Variants in CLYBL observed in about 807,000 individuals in gnomAD.
The protein encoded by CLYBL is citramalyl-CoA lyase, mitochondrial.
In CLYBL, 31 loss-of-function variants were observed where a neutral mutation model predicts 38.9. That is an observed-to-expected ratio of 0.80 (90% CI 0.60 to 1.08). CLYBL has a LOEUF of 1.08. Ranked by LOEUF, CLYBL falls within the 50% of genes least tolerant of loss-of-function variation. The pLI, the probability that CLYBL is intolerant of heterozygous loss-of-function variation, is 0.00. For missense variants in CLYBL, 434 were observed against 411.6 expected, an observed-to-expected ratio of 1.05 and a Z score of -0.47; for synonymous variants, 171 against 158.6, an observed-to-expected ratio of 1.08 and a Z score of -0.59.
intron 2 of CLYBL, among the ~76,000 whole-genome samples, chr13:99,831,151 G>C (rs950173563): frequency 1.3e-5 from 2 of 152,222 alleles, no homozygotes; most frequent in African/African-American, 4.8e-5. Context: ...CAGGAGGCAA[G>C]GAGGATCCGC....
intron 1 of CLYBL, among the ~76,000 whole-genome samples, chr13:99,634,876 G>T (rs894969225): frequency 6.6e-6 from 1 of 152,118 alleles, no homozygotes; most frequent in African/African-American, 2.4e-5. Flanking sequence ...GTATCAGATC[G>T]CGCTCTCTGG....
At position 99,685,113 on chromosome 13, in the gene CLYBL, G is replaced by A. The variant is rs74112532; in HGVS notation, c.62+78356G>A. Among the ~76,000 whole-genome samples the A allele has an allele frequency of 4.7e-3, 722 of 152,328 alleles. 6 individuals are homozygous for A. The highest frequency in any genetic ancestry group is 0.016 in the African/African-American group (682 of 41,582). ...GTGACTTCCATTAAAGTCCATAGGAGTCTTGTTGCTAAAACATCACACAAC... is the reference window on the plus strand; with the variant it reads ...GTGACTTCCATTAAAGTCCATAGGAATCTTGTTGCTAAAACATCACACAAC... On this transcript the variant is annotated intron_variant, in intron 1 of 8. Coordinates refer to ENST00000339105, the MANE Select transcript of CLYBL (RefSeq NM_206808.5).
chr13:99,657,977 GTGCCTTCCTCGCCC>G (rs1006134067), intron 1 of CLYBL, among the ~76,000 whole-genome samples: 16 of 152,206 alleles, frequency 1.1e-4, no homozygotes, highest in African/African-American at 3.9e-4. Context: ...ACCCAAGCCC[GTGCCTTCCTCGCCC>G]TGCCTTCGGA....
chr13:99,615,333 T>C (rs1293708853), intron 1 of CLYBL, among the ~76,000 whole-genome samples: 1 of 152,258 alleles, frequency 6.6e-6, no homozygotes, highest in Non-Finnish European at 1.5e-5. Flanking sequence ...CCCATAGTGC[T>C]GGTAGCTGAA....
In CLYBL at chr13:99,674,142, CTTTTTTTTTTTTTT is replaced by C. The variant is rs1167068936; in HGVS notation, c.62+67399_62+67412del. On this transcript the variant is annotated intron_variant, in intron 1 of 8. Coordinates refer to ENST00000339105, the MANE Select transcript of CLYBL (RefSeq NM_206808.5). ...TCGTTTTTTTTTAGCTACTAGAATTCTTTTTTTTTTTTTTTTTTTTTTTTTTTGAGATGGAGTCT... is the reference window on the plus strand; with the variant it reads ...TCGTTTTTTTTTAGCTACTAGAATTCTTTTTTTTTTTTTGAGATGGAGTCT... 7.8e-3 allele frequency among the ~76,000 whole-genome samples: 399 copies of C among 51,174 alleles called. 2 individuals carry two copies. The highest frequency in any genetic ancestry group is 0.01 in the South Asian group (11 of 1,066). 33.6% of individuals were successfully genotyped at this position (51,174 alleles called of 152,430 possible).
At chr13:99,755,181 G>C (rs1256984235) in intron 1 of CLYBL, among the ~76,000 whole-genome samples, 1 of 152,192 alleles carries the variant, frequency 6.6e-6, no homozygotes, top group Non-Finnish European at 1.5e-5. Context: ...ACAGGCGTGA[G>C]CCACCGCGCC....
At chr13:99,741,231 G>A (rs1481816770) in intron 1 of CLYBL, among the ~76,000 whole-genome samples, 2 of 152,230 alleles carry the variant, frequency 1.3e-5, no homozygotes, top group Non-Finnish European at 2.9e-5. Flanking sequence ...ATGGGGCAAA[G>A]AAGCACCCAT....
At position 99,819,444 on chromosome 13, in the gene CLYBL, ATATATATATATATATATATATAT is replaced by A. The variant is rs1566340172; in HGVS notation, c.250-39416_250-39394del. On this transcript the variant is annotated intron_variant, in intron 2 of 8. Coordinates refer to ENST00000339105, the MANE Select transcript of CLYBL (RefSeq NM_206808.5). ...TATATATATATATATATATATATAT[ATATATATATATATATATATATAT>A]AATATTTGTCAGGGTTGTCTGGGGG... Among the ~76,000 whole-genome samples the A allele has an allele frequency of 8.7e-3, 771 of 88,670 alleles. 40 individuals carry two copies. The highest frequency in any genetic ancestry group is 0.027 in the African/African-American group (731 of 26,974). The allele number at this position is 88,670 out of a possible 152,430, so 58.2% of individuals were successfully genotyped here. A position where few individuals can be genotyped will look rare whatever the true frequency, so the allele number is the denominator to read the frequency against.
intron 2 of CLYBL, among the ~76,000 whole-genome samples, chr13:99,778,394 T>C (rs2049566579): frequency 6.6e-6 from 1 of 152,200 alleles, no homozygotes; most frequent in Non-Finnish European, 1.5e-5. Context: ...ATTGCCTAAT[T>C]CAGCTTTCTT....
intron 1 of CLYBL, among the ~76,000 whole-genome samples, chr13:99,678,260 G>A (rs1196338152): frequency 6.6e-6 from 1 of 152,162 alleles, no homozygotes; most frequent in Non-Finnish European, 1.5e-5. Flanking sequence ...TGTGTTACAG[G>A]GTGTTATTTA....
intron 2 of CLYBL, among the ~76,000 whole-genome samples, chr13:99,844,248 G>C (rs549361261): frequency 6.6e-6 from 1 of 152,314 alleles, no homozygotes; most frequent in South Asian, 2.1e-4. Flanking sequence ...CTCAAGTGCT[G>C]CCTAGTTGTC....
chr13:99,812,115 T>C (rs1282052799), intron 2 of CLYBL, among the ~76,000 whole-genome samples: 1 of 152,220 alleles, frequency 6.6e-6, no homozygotes, highest in Non-Finnish European at 1.5e-5. Context: ...TTCCTCATAG[T>C]GTGACTGTTC....
intron 1 of CLYBL, among the ~76,000 whole-genome samples, chr13:99,662,318 TTAA>T (rs2047420384): frequency 6.6e-6 from 1 of 152,220 alleles, no homozygotes; most frequent in Non-Finnish European, 1.5e-5. Flanking sequence ...ACACAAGCTA[TTAA>T]TAATTTTTTA....
At chr13:99,614,255 C>A (rs2046673384) in intron 1 of CLYBL, among the ~76,000 whole-genome samples, 1 of 152,076 alleles carries the variant, frequency 6.6e-6, no homozygotes, top group African/African-American at 2.4e-5. Flanking sequence ...TCTGGAATGG[C>A]CTCCATTCTA....
chr13:99,709,021 G>A (rs1248953530), intron 1 of CLYBL, among the ~76,000 whole-genome samples: 1 of 151,980 alleles, frequency 6.6e-6, no homozygotes, highest in Non-Finnish European at 1.5e-5. Context: ...TGAACCAGGG[G>A]GGCGGAGGTT....
chr13:99,772,475 T>A (rs1474819372), intron 1 of CLYBL, among the ~76,000 whole-genome samples: 1 of 152,140 alleles, frequency 6.6e-6, no homozygotes, highest in African/African-American at 2.4e-5. Flanking sequence ...GGCAGATGGA[T>A]CCCTTGAGCC....
At chr13:99,861,594 T>A (rs1251179069) in intron 3 of CLYBL, among the ~76,000 whole-genome samples, 1 of 152,198 alleles carries the variant, frequency 6.6e-6, no homozygotes, top group African/African-American at 2.4e-5. Flanking sequence ...TGCTCCTTCT[T>A]GCTATTTTGG....
intron 1 of CLYBL, among the ~76,000 whole-genome samples, chr13:99,760,589 G>A (rs74112547): frequency 0.013 from 1,923 of 152,240 alleles, 47 homozygotes; most frequent in African/African-American, 0.044. Context: ...TAGCTGACAG[G>A]TCTTTTCCTT....
intron 1 of CLYBL, among the ~76,000 whole-genome samples, chr13:99,615,896 C>T (rs1171698192): frequency 6.6e-6 from 1 of 152,146 alleles, no homozygotes; most frequent in Non-Finnish European, 1.5e-5. Context: ...TGCAGTGGCA[C>T]AATCTCAGCT....
Sources: gnomAD v4.1 joint callset for allele counts (sites outside exome capture counted in the v4.1 genomes callset) on GRCh38, gnomAD v4.1.1 for gene constraint, MANE v1.5 for transcripts, NCBI Gene and HGNC (gene_info 2026-07-23, HGNC 2026-07-21) for gene names.